Variants in RNF220 observed in about 807,000 individuals in gnomAD.
RNF220 encodes E3 ubiquitin-protein ligase RNF220.
Under a neutral mutation model 67.1 loss-of-function variants are expected in RNF220, and 7 were observed. The ratio of observed to expected loss-of-function variants is 0.10; its 90% CI spans 0.06 to 0.20. RNF220 has a LOEUF of 0.20. Among genes scored for constraint, RNF220 ranks in the 10% least tolerant of loss-of-function variants. RNF220 has a pLI of 1.00. For missense variants in RNF220, 565 were observed against 740.3 expected (o/e 0.76, Z 2.75); for synonymous variants, 270 against 283.2 (o/e 0.95, Z 0.47).
intron 2 of RNF220, among the ~76,000 whole-genome samples, chr1:44,590,927 G>T (rs1438084855): frequency 6.6e-6 from 1 of 152,094 alleles, no homozygotes; most frequent in Admixed American, 6.6e-5. Context: ...CCAGGCAGAG[G>T]GAACAGCATG....
At chr1:44,547,935 C>T (rs1356950796) in intron 2 of RNF220, among the ~76,000 whole-genome samples, 1 of 152,176 alleles carries the variant, frequency 6.6e-6, no homozygotes, top group African/African-American at 2.4e-5. Context: ...AGTATCTCAA[C>T]CCAGACTCTT....
At chr1:44,612,197 G>A (rs1310599227) in intron 2 of RNF220, among the ~76,000 whole-genome samples, 1 of 152,210 alleles carries the variant, frequency 6.6e-6, no homozygotes, top group East Asian at 1.9e-4. Context: ...GCCCTCCAAA[G>A]GTTATCTGGC....
intron 2 of RNF220, among the ~76,000 whole-genome samples, chr1:44,497,597 C>A (rs1657454317): frequency 6.6e-6 from 1 of 152,168 alleles, no homozygotes; most frequent in Admixed American, 6.5e-5. Flanking sequence ...ATCCTCGCCT[C>A]CAGCCTTAAT....
At chr1:44,577,110 G>A (rs1290853091) in intron 2 of RNF220, among the ~76,000 whole-genome samples, 1 of 152,194 alleles carries the variant, frequency 6.6e-6, no homozygotes, top group Non-Finnish European at 1.5e-5. Context: ...CATTGGCTCA[G>A]ATAGCCCCAC....
intron 2 of RNF220, among the ~76,000 whole-genome samples, chr1:44,568,813 C>G (rs1217750991): frequency 6.6e-6 from 1 of 152,140 alleles, no homozygotes; most frequent in African/African-American, 2.4e-5. Flanking sequence ...CCCTTTTATT[C>G]TTTCATTTAT....
chr1:44,566,415 G>A (rs1664018949), intron 2 of RNF220, among the ~76,000 whole-genome samples: 1 of 152,180 alleles, frequency 6.6e-6, no homozygotes, highest in Non-Finnish European at 1.5e-5. Context: ...AAGCCTGCCT[G>A]TATCCAGCAC....
In RNF220 at chr1:44,636,035, A is replaced by G; in HGVS notation, c.999A>G (p.Glu333=). ...TCCTGCTCTGCTCTTCACAGAGGGAAGGCTCCTGCATGGCTGAGGATGATG... is the reference window on the plus strand; with the variant it reads ...TCCTGCTCTGCTCTTCACAGAGGGAGGGCTCCTGCATGGCTGAGGATGATG... ...KRRKQDEGQR[E]GSCMAEDDAV... Residue 333 remains glutamate, a synonymous_variant, in exon 8 of 15, where the codon GAA becomes GAG. Transcript: ENST00000361799. 1 of 1,614,234 alleles carries G rather than the reference A, an allele frequency of 6.2e-7. No homozygotes were observed. The highest frequency in any genetic ancestry group is 2.2e-5 in the East Asian group (1 of 44,882).
intron 2 of RNF220, among the ~76,000 whole-genome samples, chr1:44,485,845 C>A (rs1438159097): frequency 6.6e-6 from 1 of 152,142 alleles, no homozygotes; most frequent in Admixed American, 6.5e-5. Flanking sequence ...ATTCTTCCAG[C>A]CACAAGCATG....
chr1:44,481,561 A>G (rs1259256550), intron 2 of RNF220, among the ~76,000 whole-genome samples: 1 of 152,180 alleles, frequency 6.6e-6, no homozygotes, highest in Non-Finnish European at 1.5e-5. Context: ...AGCGGGGGGT[A>G]CTTAGAGGAT....
At chr1:44,615,510 C>G (rs1336636474) in intron 3 of RNF220, among the ~76,000 whole-genome samples, 3 of 152,206 alleles carry the variant, frequency 2.0e-5, no homozygotes, top group African/African-American at 7.2e-5. Context: ...TTCAAGTCAT[C>G]AGACTTGACT....
At chr1:44,490,836 T>G (rs951771532) in intron 2 of RNF220, among the ~76,000 whole-genome samples, 1 of 151,754 alleles carries the variant, frequency 6.6e-6, no homozygotes, top group Non-Finnish European at 1.5e-5. Context: ...TGAAAAACCA[T>G]TAGCTAGAAT....
At chr1:44,414,082 T>C (rs1420475765) in intron 2 of RNF220, among the ~76,000 whole-genome samples, 1 of 152,272 alleles carries the variant, frequency 6.6e-6, no homozygotes, top group African/African-American at 2.4e-5. Context: ...AGAAGGCTGC[T>C]GGCTGACAGC....
At chr1:44,632,478 C>A in intron 6 of RNF220, 93 bp downstream of exon 6, 1 of 1,146,698 alleles carries the variant, frequency 8.7e-7, no homozygotes, top group African/African-American at 1.6e-5. Context: ...TGGGTCTCTT[C>A]GACTCTGGGG....
chr1:44,476,833 C>G (rs1655343494), intron 2 of RNF220, among the ~76,000 whole-genome samples: 1 of 152,092 alleles, frequency 6.6e-6, no homozygotes, highest in Admixed American at 6.6e-5. Flanking sequence ...ATAGACTAAT[C>G]AAACTTTATG....
In RNF220 at chr1:44,650,843, G is replaced by C; in HGVS notation, c.*68G>C. On this transcript the variant is annotated 3_prime_UTR_variant, in exon 15 of 15. Transcript: ENST00000361799. The surrounding 1 kb of genome is among the most constrained non-coding windows in gnomAD (Gnocchi z 4.3). ...GCCCCCAGCCTCTGTGACAGTGACC[G>C]TCTCCCTTTGTACATACTTGCACAC... 1 of 1,422,230 alleles carries C rather than the reference G, an allele frequency of 7.0e-7. No homozygotes were observed. Among genetic ancestry groups the C allele is most frequent in the Admixed American group, 1.7e-5 (1 of 59,454 alleles). The allele number at this position is 1,422,230 out of a possible 1,614,324, so 88.1% of individuals were successfully genotyped here.
At chr1:44,425,294 T>C (rs929466991) in intron 2 of RNF220, among the ~76,000 whole-genome samples, 4 of 152,222 alleles carry the variant, frequency 2.6e-5, no homozygotes, top group African/African-American at 9.7e-5. Context: ...CATTAAATTG[T>C]AATTATTTGC....
chr1:44,604,538 G>A (rs1490784594), intron 2 of RNF220, among the ~76,000 whole-genome samples: 3 of 152,356 alleles, frequency 2.0e-5, no homozygotes, highest in African/African-American at 2.4e-5. Flanking sequence ...GCCTTTGGCC[G>A]GAGCAAAGGC....
At chr1:44,539,562 A>G (rs1394068941) in intron 2 of RNF220, among the ~76,000 whole-genome samples, 2 of 152,216 alleles carry the variant, frequency 1.3e-5, no homozygotes, top group Admixed American at 1.3e-4. Context: ...GAGTGTCTGC[A>G]GAGAGGAGAG....
chr1:44,461,920 C>CTCTG (rs1653798216), intron 2 of RNF220, among the ~76,000 whole-genome samples: 2 of 118,168 alleles, frequency 1.7e-5, no homozygotes, highest in African/African-American at 6.8e-5. Flanking sequence ...TTTCTTTTTT[C>CTCTG]TTTGTTTTTT....
Sources: allele counts gnomAD v4.1 joint callset (sites outside exome capture counted in the v4.1 genomes callset), GRCh38; gene constraint gnomAD v4.1.1; non-coding constraint Gnocchi (gnomAD v3.1); transcripts MANE v1.5; gene names NCBI Gene and HGNC (gene_info 2026-07-23, HGNC 2026-07-21).